Variants in HOOK2 observed in about 807,000 individuals in gnomAD.
HOOK2 encodes the protein protein Hook homolog 2.
Under a neutral mutation model 111.9 loss-of-function variants are expected in HOOK2, and 108 were observed. The ratio of observed to expected loss-of-function variants is 0.96; its 90% CI spans 0.83 to 1.13. The LOEUF (loss-of-function observed/expected upper bound fraction) is 1.13. HOOK2 is among the 50% of genes most tolerant of loss of function. The pLI, the probability that HOOK2 is intolerant of heterozygous loss-of-function variation, is 0.00. For synonymous variants in HOOK2, 405 were observed against 394.3 expected (o/e 1.03, Z -0.32); for missense variants, 978 against 951.3 (o/e 1.03, Z -0.37).
At chr19:12,769,800 G>T in intron 11 of HOOK2, 81 bp downstream of exon 11, 1 of 1,161,340 alleles carries the variant, frequency 8.6e-7, no homozygotes, top group Non-Finnish European at 1.1e-6. Context: ...GAGGGGATCA[G>T]GGGTGGGCGG....
intron 6 of HOOK2, 25 bp downstream of exon 6, chr19:12,772,588 T>C (rs998852620): frequency 1.2e-6 from 2 of 1,612,322 alleles, no homozygotes; most frequent in Non-Finnish European, 1.7e-6. Context: ...CATTTTCCAA[T>C]TGCACACTGA....
Position 12,763,435 on chromosome 19 carries a change from CAGG to C in HOOK2, c.2011-7_2011-5del, listed in dbSNP as rs1968054393. ...CTCGCTGCTGCAAGGCCATGCCCTT[CAGG>C]AGGAGGTGTGGTTGGGGTCAGGTGA... is the stretch of plus-strand genomic sequence containing the variant. On this transcript the variant is annotated splice_region_variant and splice_polypyrimidine_tract_variant and intron_variant, in intron 22 of 22. Coordinates refer to ENST00000397668, the MANE Select transcript of HOOK2 (RefSeq NM_013312.3). The C allele has an allele frequency of 1.9e-6, 3 of 1,613,554 alleles. No homozygotes were observed. The highest frequency in any genetic ancestry group is 1.3e-5 in the African/African-American group (1 of 74,942).
Position 12,771,411 on chromosome 19 carries a change from C to G in HOOK2, c.586G>C (p.Asp196His). Residue 196 changes from aspartate (D) to histidine (H), a missense_variant, in exon 8 of 23, where the codon GAT becomes CAT. Coordinates refer to ENST00000397668, the MANE Select transcript of HOOK2 (RefSeq NM_013312.3). ...EGDELQQRCL[D>H]LERQLMLLSE... ...TAGGGCCCTACCTGCCGCTCCAGAT[C>G]CAGACAGCGCTGCTGTAATTCGTCC... The G allele has an allele frequency of 6.2e-7, 1 of 1,613,660 alleles. No individual in the cohort carries two copies. Among genetic ancestry groups the G allele is most frequent in the Non-Finnish European group, 8.5e-7 (1 of 1,179,830 alleles).
At chr19:12,784,883 C>T (rs1015521595) in intron 3 of HOOK2, 1 of 152,172 alleles carries the variant, frequency 6.6e-6, no homozygotes, top group Non-Finnish European at 1.5e-5. Context: ...GCAGAGAGTC[C>T]CTGGCACCCT....
intron 3 of HOOK2, among the ~76,000 whole-genome samples, chr19:12,773,405 C>A (rs1244411877): frequency 1.3e-5 from 2 of 151,912 alleles, no homozygotes; most frequent in Non-Finnish European, 2.9e-5. Context: ...TATGCCACCA[C>A]AATCGACTAC....
chr19:12,782,436 TCA>T (rs1968611708), upstream of HOOK2, among the ~76,000 whole-genome samples: 1 of 152,158 alleles, frequency 6.6e-6, no homozygotes, highest in Non-Finnish European at 1.5e-5. Context: ...GGAGTCAAAG[TCA>T]CAGAGGACAG....
chr19:12,779,752 T>C (rs1212954580), upstream of HOOK2, among the ~76,000 whole-genome samples: 3 of 151,706 alleles, frequency 2.0e-5, no homozygotes, highest in East Asian at 1.9e-4. Flanking sequence ...GCCTTCGAGT[T>C]TGTGCAACAG....
chr19:12,769,923 T>TCGG lies in HOOK2; in HGVS notation c.1059_1061dup (p.Arg354dup). On this transcript the variant is annotated inframe_insertion, in exon 11 of 23. Coordinates refer to ENST00000397668, the MANE Select transcript of HOOK2 (RefSeq NM_013312.3). Reference sequence around the variant, plus strand: ...CCAGCTGGGCGCGCAGGGAGCCCGCTCGGCGTAGCTCATCCTCCAGTTGTC... The same window carrying TCGG: ...CCAGCTGGGCGCGCAGGGAGCCCGCTCGGCGGCGTAGCTCATCCTCCAGTTGTC... The TCGG allele has an allele frequency of 6.5e-7, 1 of 1,541,220 alleles. No homozygotes were observed. Among genetic ancestry groups the TCGG allele is most frequent in the Non-Finnish European group, 8.7e-7 (1 of 1,152,570 alleles).
intron 3 of HOOK2, among the ~76,000 whole-genome samples, chr19:12,783,905 G>C (rs1968631100): frequency 6.6e-6 from 1 of 152,080 alleles, no homozygotes; most frequent in Non-Finnish European, 1.5e-5. Flanking sequence ...CCCCCTGCCC[G>C]AGGCAGGCAC....
chr19:12,765,453 A>G (rs1225591052), intron 18 of HOOK2: 5 of 604,850 alleles, frequency 8.3e-6, no homozygotes, highest in Non-Finnish European at 1.5e-5. Flanking sequence ...GACAGGTAAA[A>G]GAAAAGAAAG....
At chr19:12,792,275 G>T in intron 3 of HOOK2, 2 of 1,495,336 alleles carry the variant, frequency 1.3e-6, no homozygotes, top group Non-Finnish European at 8.9e-7. Flanking sequence ...CCCCGGCTGG[G>T]CCCGGGGGCG....
In HOOK2 at chr19:12,770,077, G is replaced by T. The variant is rs1432138697; in HGVS notation, c.908C>A (p.Ser303Tyr). 4.6e-6 allele frequency: 7 copies of T among 1,513,216 alleles called. No individual in the cohort carries two copies. The East Asian group carries it at 1.8e-4, about 40-fold the overall frequency. The allele number at this position is 1,513,216 out of a possible 1,614,324, so 93.7% of individuals were successfully genotyped here. A position where few individuals can be genotyped will look rare whatever the true frequency, so the allele number is the denominator to read the frequency against. ...CTCCAGCTGCCCAGCACGCTCCGAA[G>T]ACTGCCTAGGGGAGTGGGAGGGAAG... ...LKDEMDELRQ[S>Y]SERAGQLEAT... Residue 303 changes from serine to tyrosine, a missense_variant, in exon 11 of 23, where the codon TCT (serine) becomes TAT (tyrosine). Ser to Tyr is a moderately radical substitution (Grantham distance 144). Coordinates refer to ENST00000397668, the MANE Select transcript of HOOK2 (RefSeq NM_013312.3).
intron 20 of HOOK2, among the ~76,000 whole-genome samples, chr19:12,764,141 A>C (rs1167093488): frequency 6.6e-6 from 1 of 151,682 alleles, no homozygotes; most frequent in African/African-American, 2.4e-5. Context: ...CAGCCTCCCG[A>C]GTAGCTGGGA....
At chr19:12,774,510 G>T in intron 3 of HOOK2, 159 bp downstream of exon 3, 1 of 713,500 alleles carries the variant, frequency 1.4e-6, no homozygotes. Context: ...GCCCAGGCCT[G>T]GCACAGGGTG....
At chr19:12,769,721 A>G (rs1048239122) in intron 11 of HOOK2, among the ~76,000 whole-genome samples, 160 bp downstream of exon 11, 3 of 152,216 alleles carry the variant, frequency 2.0e-5, no homozygotes, top group Non-Finnish European at 4.4e-5. Context: ...TGGGCTTACT[A>G]ACCCAGACAG....
rs779392126 is a variant in HOOK2 at position 12,771,217 on chromosome 19, C to A, written c.703G>T (p.Ala235Ser). ...PEGEGTPGLT[A>S]KKLLLLQSQL... ...GATTGCAGCAGCAGCAGCTTCTTGG[C>A]AGTGAGACCTGGGGTACCCTCGCCT... The change falls in exon 9 of 23, where the codon GCC becomes TCC. Residue 235 changes from alanine (A) to serine (S), a missense_variant. Around this residue, in one of 5 missense-constraint regions of HOOK2, gnomAD observed 7 missense variants for 22.2 expected, o/e 0.32. Coordinates refer to ENST00000397668, the MANE Select transcript of HOOK2 (RefSeq NM_013312.3). 53 of 1,611,950 alleles carry A rather than the reference C, an allele frequency of 3.3e-5. No homozygotes were observed. The highest frequency in any genetic ancestry group is 4.2e-5 in the Non-Finnish European group (50 of 1,179,190).
At position 12,767,961 on chromosome 19, in the gene HOOK2, G is replaced by C. The variant is rs1418139196; in HGVS notation, c.1215+52C>G. On this transcript the variant is annotated intron_variant, in intron 12 of 22. Transcript: ENST00000397668. ...TCAGGCTCGGCCTCCTGGGAAATGG[G>C]CTACCCCAGAATTGGCAGGGTGGGG... 8 of 1,610,174 alleles carry C rather than the reference G, an allele frequency of 5.0e-6. No individual in the cohort carries two copies. In the Admixed American group the frequency reaches 6.7e-5, roughly 13 times the overall value.
chr19:12,773,160 T>C (rs1568371633), intron 3 of HOOK2, 116 bp from the exon 4 acceptor site: 1 of 982,830 alleles, frequency 1.0e-6, no homozygotes, highest in Non-Finnish European at 1.6e-6. Flanking sequence ...CTATTCTGTC[T>C]GCGTGCGCCT....
At chr19:12,773,258 T>G (rs1599501451) in intron 3 of HOOK2, 1 of 537,368 alleles carries the variant, frequency 1.9e-6, no homozygotes, top group East Asian at 3.1e-5. Context: ...TTTTTTTGCT[T>G]TAGCTTTTTA....
Sources: gnomAD v4.1 joint callset for allele counts (sites outside exome capture counted in the v4.1 genomes callset) on GRCh38, gnomAD v4.1.1 for gene constraint, gnomAD v4.1.1 regional missense constraint, MANE v1.5 for transcripts, NCBI Gene and HGNC (gene_info 2026-07-23, HGNC 2026-07-21) for gene names.